CACNA1C: variants seen among roughly 807,000 people sequenced by gnomAD.
CACNA1C encodes the protein voltage-dependent L-type calcium channel subunit alpha-1C.
Under a neutral mutation model 229.0 loss-of-function variants are expected in CACNA1C, and 30 were observed. That is an observed-to-expected ratio of 0.13 (90% CI 0.10 to 0.18). CACNA1C has a LOEUF of 0.18. Ranked by LOEUF, CACNA1C falls within the 10% of genes least tolerant of loss-of-function variation. The pLI is 1.00. For missense variants in CACNA1C, 1,658 were observed against 2,845.0 expected, an observed-to-expected ratio of 0.58 and a Z score of 9.49; for synonymous variants, 1,114 against 1,132.5, an observed-to-expected ratio of 0.98 and a Z score of 0.33.
chr12:2,342,820 C>T (rs2096903814), intron 3 of CACNA1C, among the ~76,000 whole-genome samples: 1 of 152,102 alleles, frequency 6.6e-6, no homozygotes, highest in Non-Finnish European at 1.5e-5. Context: ...TTTGTGAGCC[C>T]TTGTGTTTGA....
intron 3 of CACNA1C, among the ~76,000 whole-genome samples, chr12:2,230,060 G>C (rs1053986285): frequency 6.6e-6 from 1 of 152,194 alleles, no homozygotes; most frequent in Non-Finnish European, 1.5e-5. Flanking sequence ...GATTCCCTCA[G>C]GTTAGAGGCG....
chr12:2,509,954 A>G (rs1277877162), intron 8 of CACNA1C, among the ~76,000 whole-genome samples: 1 of 152,206 alleles, frequency 6.6e-6, no homozygotes, highest in Non-Finnish European at 1.5e-5. Flanking sequence ...GGATCCACAA[A>G]TAAGGAGCCT....
chr12:2,204,834 C>T lies in CACNA1C; in HGVS notation c.477+84404C>T, dbSNP rs1364434644. 4.3e-5 allele frequency among the ~76,000 whole-genome samples: 6 copies of T among 139,032 alleles called. No homozygotes were observed. In the South Asian group the frequency reaches 1.0e-3, roughly 24 times the overall value. The allele number at this position is 139,032 out of a possible 152,430, so 91.2% of individuals were successfully genotyped here. ...GGGAGGGATAGCATTGGGAGATATACCTAATGCTAGATGATGAGTTAGTGG... is the reference window on the plus strand; with the variant it reads ...GGGAGGGATAGCATTGGGAGATATATCTAATGCTAGATGATGAGTTAGTGG... On this transcript the variant is annotated intron_variant, in intron 3 of 46. Transcript: ENST00000399655.
intron 30 of CACNA1C, among the ~76,000 whole-genome samples, chr12:2,645,232 G>A (rs2094208493): frequency 6.6e-6 from 1 of 152,190 alleles, no homozygotes; most frequent in South Asian, 2.1e-4. Context: ...GGGGAATGCA[G>A]TCTCCAGGCT....
chr12:2,102,380 G>GTATT (rs1247163947), intron 1 of CACNA1C, among the ~76,000 whole-genome samples: 4 of 152,120 alleles, frequency 2.6e-5, no homozygotes, highest in Non-Finnish European at 5.9e-5. Context: ...AAGGACCCAA[G>GTATT]TATTAGACTT....
intron 39 of CACNA1C, chr12:2,676,511 T>A (rs1464705798): frequency 6.5e-6 from 1 of 153,134 alleles, no homozygotes; most frequent in Non-Finnish European, 1.5e-5. Context: ...ATGTCACATA[T>A]AATCTTGGGT....
rs1042505671 is a variant in CACNA1C at position 2,367,581 on chromosome 12, A to G, written c.478-81395A>G. 4.6e-5 allele frequency among the ~76,000 whole-genome samples: 7 copies of G among 152,214 alleles called. No individual in the cohort carries two copies. In the East Asian group the frequency reaches 1.3e-3, roughly 29 times the overall value. Reference sequence around the variant, plus strand: ...TCCATATTCTGTACAGGAGACACTAAAACAAAGTGTTGCAAAAAGGCTAAA... The same window carrying G: ...TCCATATTCTGTACAGGAGACACTAGAACAAAGTGTTGCAAAAAGGCTAAA... On this transcript the variant is annotated intron_variant, in intron 3 of 46. Coordinates refer to ENST00000399655, the MANE Select transcript of CACNA1C (RefSeq NM_000719.7).
At chr12:2,645,505 G>A (rs956439444) in intron 30 of CACNA1C, among the ~76,000 whole-genome samples, 5 of 152,180 alleles carry the variant, frequency 3.3e-5, no homozygotes, top group Non-Finnish European at 5.9e-5. Flanking sequence ...CTGATCCTGG[G>A]ATACCACAGA....
At chr12:2,017,261 G>C (rs1341268905) in intron 1 of CACNA1C, among the ~76,000 whole-genome samples, 2 of 152,160 alleles carry the variant, frequency 1.3e-5, no homozygotes, top group Non-Finnish European at 2.9e-5. Context: ...CACACGGGTG[G>C]AAAAAGAGTA....
intron 3 of CACNA1C, among the ~76,000 whole-genome samples, chr12:2,238,269 G>A (rs1446236119): frequency 2.0e-5 from 3 of 152,212 alleles, no homozygotes; most frequent in Non-Finnish European, 4.4e-5. Flanking sequence ...GTAACTAGGT[G>A]ACTTTGGCAT....
In CACNA1C at chr12:2,634,347, T is replaced by C; in HGVS notation, c.3879T>C (p.Gly1293=). 6.3e-7 allele frequency: 1 copy of C among 1,585,392 alleles called. No individual in the cohort carries two copies. Among genetic ancestry groups the C allele is most frequent in the Non-Finnish European group, 8.6e-7 (1 of 1,163,424 alleles). ...CATTTGACGCCTTGATTGTTGTGGG[T>C]AGCATTGTTGATATAGCAATCACCG... ...WNTFDALIVV[G]SIVDIAITEV... Residue 1293 remains glycine (G), a synonymous_variant, in exon 30 of 47, where the codon GGT becomes GGC. Transcript: ENST00000399655.
Position 2,310,342 on chromosome 12 carries a change from T to TAAA in CACNA1C, c.478-138625_478-138623dup, listed in dbSNP as rs1262171750. ...CCTGTCCTGTCCTCTGCCTCCCAGT[T>TAAA]AAAAAAAAAAATATATATATATATA... On this transcript the variant is annotated intron_variant, in intron 3 of 46. Coordinates refer to ENST00000399655, the MANE Select transcript of CACNA1C (RefSeq NM_000719.7). 4.9e-4 allele frequency among the ~76,000 whole-genome samples: 71 copies of TAAA among 144,254 alleles called. No homozygotes were observed. In the East Asian group the frequency reaches 7.2e-3, roughly 15 times the overall value. 94.6% of individuals were successfully genotyped at this position (144,254 alleles called of 152,430 possible).
At chr12:2,545,480 C>T (rs773296159) in intron 9 of CACNA1C, among the ~76,000 whole-genome samples, 2 of 152,268 alleles carry the variant, frequency 1.3e-5, no homozygotes, top group Admixed American at 6.5e-5. Context: ...CTGTGCCGTA[C>T]GTTCGTTAGC....
At chr12:2,210,507 A>G (rs959986489) in intron 3 of CACNA1C, among the ~76,000 whole-genome samples, 5 of 152,134 alleles carry the variant, frequency 3.3e-5, no homozygotes, top group African/African-American at 1.2e-4. Flanking sequence ...GGTACCTCCA[A>G]CCTGAAGTCT....
At chr12:2,220,288 G>A (rs1373896354) in intron 3 of CACNA1C, among the ~76,000 whole-genome samples, 2 of 152,174 alleles carry the variant, frequency 1.3e-5, no homozygotes, top group Non-Finnish European at 2.9e-5. Context: ...TGTAAGAGTG[G>A]GAATGATGAT....
At chr12:2,179,334 C>T (rs2096762512) in intron 3 of CACNA1C, among the ~76,000 whole-genome samples, 1 of 152,130 alleles carries the variant, frequency 6.6e-6, no homozygotes, top group Non-Finnish European at 1.5e-5. Flanking sequence ...AGGAAGTGTT[C>T]CCTGGACCTG....
At chr12:2,043,642 C>CTT (rs67625680) in intron 1 of CACNA1C, among the ~76,000 whole-genome samples, 2,121 of 91,364 alleles carry the variant, frequency 0.023, 59 homozygotes, top group Middle Eastern at 0.058. Context: ...ACAGAATATT[C>CTT]TTTTTTTTTT....
At chr12:2,085,844 C>T (rs1391742329) in intron 1 of CACNA1C, among the ~76,000 whole-genome samples, 1 of 152,142 alleles carries the variant, frequency 6.6e-6, no homozygotes, top group Non-Finnish European at 1.5e-5. Flanking sequence ...CTGTTCTCAG[C>T]TTTTACTGTT....
At chr12:2,458,223 G>A (rs2099456539) in intron 5 of CACNA1C, among the ~76,000 whole-genome samples, 1 of 152,234 alleles carries the variant, frequency 6.6e-6, no homozygotes, top group Non-Finnish European at 1.5e-5. Context: ...AGCCCTACTG[G>A]AAATACCACG....
Sources: allele counts gnomAD v4.1 joint callset (sites outside exome capture counted in the v4.1 genomes callset), GRCh38; gene constraint gnomAD v4.1.1; transcripts MANE v1.5; gene names NCBI Gene and HGNC (gene_info 2026-07-23, HGNC 2026-07-21).